Variants in TSPAN9 observed in about 807,000 individuals in gnomAD.
The protein encoded by TSPAN9 is tetraspanin-9.
Under a neutral mutation model 31.0 loss-of-function variants are expected in TSPAN9, and 16 were observed. The ratio of observed to expected loss-of-function variants is 0.52; its 90% CI spans 0.35 to 0.78. The LOEUF (loss-of-function observed/expected upper bound fraction) is 0.78. TSPAN9 is among the 30% of genes least tolerant of loss of function. TSPAN9 has a pLI of 0.01. For synonymous variants in TSPAN9, 145 were observed against 121.6 expected, an observed-to-expected ratio of 1.19 and a Z score of -1.27; for missense variants, 272 against 312.5, an observed-to-expected ratio of 0.87 and a Z score of 0.98.
At chr12:3,208,492 C>T (rs945021915) in intron 3 of TSPAN9, among the ~76,000 whole-genome samples, 13 of 152,168 alleles carry the variant, frequency 8.5e-5, no homozygotes, top group Non-Finnish European at 1.5e-5. Flanking sequence ...ACAAGTGGGG[C>T]CTGGACCCAG....
intron 3 of TSPAN9, among the ~76,000 whole-genome samples, chr12:3,233,736 C>A (rs574998676): frequency 2.0e-5 from 3 of 152,332 alleles, no homozygotes; most frequent in African/African-American, 7.2e-5. Flanking sequence ...CTTTCATGCA[C>A]ATGAATAATA....
At chr12:3,084,888 G>A (rs986293722) in intron 2 of TSPAN9, among the ~76,000 whole-genome samples, 1 of 152,180 alleles carries the variant, frequency 6.6e-6, no homozygotes, top group African/African-American at 2.4e-5. Context: ...CTGGGAATCC[G>A]CTCCAGGTCC....
intron 2 of TSPAN9, among the ~76,000 whole-genome samples, chr12:3,163,390 G>C (rs183375558): frequency 6.6e-6 from 1 of 152,282 alleles, no homozygotes; most frequent in Admixed American, 6.5e-5. Context: ...TAAGATATTT[G>C]TGTGTCTGTT....
At chr12:3,267,470 C>T (rs1862558362) in intron 3 of TSPAN9, among the ~76,000 whole-genome samples, 1 of 152,168 alleles carries the variant, frequency 6.6e-6, no homozygotes, top group Admixed American at 6.5e-5. Flanking sequence ...GTCCTGAGGT[C>T]TGGGCTGCCC....
intron 3 of TSPAN9, among the ~76,000 whole-genome samples, chr12:3,209,704 A>C (rs1336750329): frequency 6.6e-6 from 1 of 152,104 alleles, no homozygotes; most frequent in Non-Finnish European, 1.5e-5. Flanking sequence ...TCACGCCTGT[A>C]ATCCCAGCAC....
At chr12:3,121,312 C>T (rs1480050217) in intron 2 of TSPAN9, among the ~76,000 whole-genome samples, 1 of 148,822 alleles carries the variant, frequency 6.7e-6, no homozygotes, top group Admixed American at 6.7e-5. Flanking sequence ...TTGGGCGCAG[C>T]TGACATACTG....
intron 3 of TSPAN9, among the ~76,000 whole-genome samples, chr12:3,224,732 G>C (rs1039380369): frequency 6.6e-6 from 1 of 152,246 alleles, no homozygotes; most frequent in Non-Finnish European, 1.5e-5. Context: ...TGATGGGCGG[G>C]GGTAATGACA....
At chr12:3,242,927 G>A (rs1191708837) in intron 3 of TSPAN9, among the ~76,000 whole-genome samples, 2 of 152,242 alleles carry the variant, frequency 1.3e-5, no homozygotes, top group South Asian at 4.1e-4. Context: ...CAGAAGTGAT[G>A]TGTGGGCCTG....
Position 3,179,276 on chromosome 12 carries a change from C to T in TSPAN9, c.-17-21901C>T, listed in dbSNP as rs2098357521. On this transcript the variant is annotated intron_variant, in intron 2 of 8. Coordinates refer to ENST00000011898, the MANE Select transcript of TSPAN9 (RefSeq NM_006675.5). ...ATGCTGGGTGCATTACACACCCCGA[C>T]ACTCACCCCACTCTGACTCCAGGTG... is the stretch of plus-strand genomic sequence containing the variant. Among the ~76,000 whole-genome samples the T allele has an allele frequency of 2.6e-5, 4 of 152,296 alleles. No individual in the cohort carries two copies. The South Asian group carries it at 8.3e-4, about 32-fold the overall frequency.
intron 2 of TSPAN9, among the ~76,000 whole-genome samples, chr12:3,136,826 T>G (rs2098332382): frequency 6.6e-6 from 1 of 151,944 alleles, no homozygotes; most frequent in Admixed American, 6.5e-5. Flanking sequence ...AGTGTACCCC[T>G]CAGCTGGAGG....
intron 2 of TSPAN9, among the ~76,000 whole-genome samples, chr12:3,185,825 T>C (rs2098361002): frequency 6.6e-6 from 1 of 152,112 alleles, no homozygotes; most frequent in African/African-American, 2.4e-5. Flanking sequence ...GGAATGGATG[T>C]AGCTGGAGTT....
chr12:3,200,005 A>T (rs551993681), intron 2 of TSPAN9: 1 of 152,102 alleles, frequency 6.6e-6, no homozygotes, highest in African/African-American at 2.4e-5. Context: ...TTCTCCCCAG[A>T]CCTTTCCTCT....
chr12:3,105,852 ACG>A (rs1358335825), intron 2 of TSPAN9, among the ~76,000 whole-genome samples: 1 of 113,202 alleles, frequency 8.8e-6, no homozygotes, highest in Non-Finnish European at 1.8e-5. Context: ...ACGCTCACAC[ACG>A]TTCACACACA....
intron 2 of TSPAN9, among the ~76,000 whole-genome samples, chr12:3,151,849 T>G (rs1450238732): frequency 6.6e-6 from 1 of 151,878 alleles, no homozygotes; most frequent in African/African-American, 2.4e-5. Flanking sequence ...CTTGAACCCG[T>G]GAGGCGGAGG....
chr12:3,252,392 C>T (rs957157225), intron 3 of TSPAN9, among the ~76,000 whole-genome samples: 1 of 152,222 alleles, frequency 6.6e-6, no homozygotes, highest in African/African-American at 2.4e-5. Flanking sequence ...CAGGAATGTT[C>T]ATCCGTGGCA....
intron 2 of TSPAN9, among the ~76,000 whole-genome samples, chr12:3,149,454 T>G (rs759011183): frequency 5.3e-5 from 8 of 152,236 alleles, no homozygotes; most frequent in Non-Finnish European, 1.0e-4. Flanking sequence ...AACCTTGCAT[T>G]CTTCAGAAGC....
intron 3 of TSPAN9, among the ~76,000 whole-genome samples, chr12:3,236,762 C>T (rs1418832767): frequency 6.6e-6 from 1 of 151,980 alleles, no homozygotes; most frequent in Non-Finnish European, 1.5e-5. Context: ...AGGCTCATGA[C>T]TCTTCTCCAG....
At chr12:3,193,558 CA>C (rs1216282896) in intron 2 of TSPAN9, among the ~76,000 whole-genome samples, 1 of 152,216 alleles carries the variant, frequency 6.6e-6, no homozygotes, top group South Asian at 2.1e-4. Context: ...TTCTGGTAGC[CA>C]GAAGTGGCCT....
chr12:3,122,408 G>A, intron 2 of TSPAN9, among the ~76,000 whole-genome samples: 1 of 151,966 alleles, frequency 6.6e-6, no homozygotes. Context: ...TTGATCGGCT[G>A]AGTAGCTAGG....
Sources: allele counts gnomAD v4.1 joint callset (sites outside exome capture counted in the v4.1 genomes callset), GRCh38; gene constraint gnomAD v4.1.1; transcripts MANE v1.5; gene names NCBI Gene and HGNC (gene_info 2026-07-23, HGNC 2026-07-21).